Variants in PPP2R5D observed in about 807,000 individuals in gnomAD.
The protein encoded by PPP2R5D is protein phosphatase 2 regulatory subunit B'delta, also known as serine/threonine-protein phosphatase 2A 56 kDa regulatory subunit delta isoform.
A neutral mutation model predicts 79.1 loss-of-function variants in PPP2R5D; 12 were observed. The ratio of observed to expected loss-of-function variants is 0.15; its 90% CI spans 0.10 to 0.25. The LOEUF is 0.25. Ranked by LOEUF, PPP2R5D falls within the 10% of genes least tolerant of loss-of-function variation. The pLI, the probability that PPP2R5D is intolerant of heterozygous loss-of-function variation, is 1.00. For missense variants in PPP2R5D, 419 were observed against 760.2 expected (o/e 0.55, Z 5.28); for synonymous variants, 277 against 286.6 (o/e 0.97, Z 0.34).
At chr6:42,989,560 C>A in intron 1 of PPP2R5D, 51 bp from the exon 2 acceptor site, 1 of 1,441,466 alleles carries the variant, frequency 6.9e-7, no homozygotes, top group Non-Finnish European at 9.7e-7. Flanking sequence ...CAGATAAGAC[C>A]TCTCCCTTCT....
chr6:42,988,154 GCT>G (rs1274608576), intron 1 of PPP2R5D, among the ~76,000 whole-genome samples: 3 of 152,098 alleles, frequency 2.0e-5, no homozygotes, highest in African/African-American at 7.2e-5. Flanking sequence ...CCCACACAGA[GCT>G]CTCTTCTCCC....
chr6:43,008,818 G>C lies in PPP2R5D; in HGVS notation c.1080+72G>C, dbSNP rs912036691. On this transcript the variant is annotated intron_variant, in intron 10 of 15. Transcript: ENST00000485511. The surrounding 1 kb of genome is among the most constrained non-coding windows in gnomAD (Gnocchi z 4.2). ...CACTTGCCAGTCTGTACCTACTGGGGGTGCCATAAGGGGGAACTCAGGAGG... is the reference window on the plus strand; with the variant it reads ...CACTTGCCAGTCTGTACCTACTGGGCGTGCCATAAGGGGGAACTCAGGAGG... 6.6e-7 allele frequency: 1 copy of C among 1,518,024 alleles called. No homozygotes were observed. The highest frequency in any genetic ancestry group is 9.1e-7 in the Non-Finnish European group (1 of 1,101,444). 94.0% of individuals were successfully genotyped at this position (1,518,024 alleles called of 1,614,324 possible).
intron 1 of PPP2R5D, among the ~76,000 whole-genome samples, chr6:42,987,933 A>G (rs980678426): frequency 2.0e-5 from 3 of 152,098 alleles, no homozygotes; most frequent in East Asian, 1.9e-4. Flanking sequence ...AGACACCTCA[A>G]TGTTGTGTCC....
chr6:42,998,604 C>A (rs1304550944), intron 2 of PPP2R5D, among the ~76,000 whole-genome samples: 4 of 152,030 alleles, frequency 2.6e-5, no homozygotes, highest in African/African-American at 7.2e-5. Flanking sequence ...TCTATGGAGT[C>A]CCAGAAGTGA....
chr6:43,008,027 G>A lies in PPP2R5D; in HGVS notation c.819G>A (p.Arg273=), dbSNP rs766051123. The A allele has an allele frequency of 1.4e-5, 22 of 1,614,068 alleles. No homozygotes were observed. The highest frequency in any genetic ancestry group is 5.0e-5 in the Admixed American group (3 of 60,004). ...HRIYGKFLGL[R]AYIRRQINHI... is the part of the protein sequence containing the mutation. ...TCTATGGCAAGTTTTTGGGGCTCCG[G>A]GCTTATATCCGTAGGCAGATCAACC... The change falls in exon 7 of 16, where the codon CGG becomes CGA. Residue 273 remains arginine, a synonymous_variant. Coordinates refer to ENST00000485511, the MANE Select transcript of PPP2R5D (RefSeq NM_006245.4). The surrounding 1 kb of genome is among the most constrained non-coding windows in gnomAD (Gnocchi z 4.2).
At chr6:43,001,129 ATTTCCT>A (rs1772166644) in intron 2 of PPP2R5D, among the ~76,000 whole-genome samples, 1 of 152,188 alleles carries the variant, frequency 6.6e-6, no homozygotes, top group African/African-American at 2.4e-5. Flanking sequence ...AGATGCAGTG[ATTTCCT>A]AGGTTCCTGA....
chr6:43,006,316 G>A lies in PPP2R5D; in HGVS notation c.106-147G>A. 1 of 1,404,118 alleles carries A rather than the reference G, an allele frequency of 7.1e-7. No individual in the cohort carries two copies. Among genetic ancestry groups the A allele is most frequent in the Non-Finnish European group, 9.4e-7 (1 of 1,064,884 alleles). 87.0% of individuals were successfully genotyped at this position (1,404,118 alleles called of 1,614,324 possible). ...CCAGGGCTACAGCACAGTTATCTCT[G>A]TAACCCTGGCCTTAGCTCCTTCGGG... On this transcript the variant is annotated intron_variant, in intron 2 of 15. Transcript: ENST00000485511. This position sits in a 1 kb window ranked among gnomAD's most constrained non-coding sequence, Gnocchi z 4.7.
rs1762172131 is a variant in PPP2R5D at position 43,007,832 on chromosome 6, C to G, written c.727-103C>G. The stretch of plus-strand genomic sequence containing the variant: ...TTTCTAAGACTTGCTGGCCCCCACT[C>G]CAGGGGACCTCTGCATTTCCCCTGG... On this transcript the variant is annotated intron_variant, in intron 6 of 15. Coordinates refer to ENST00000485511, the MANE Select transcript of PPP2R5D (RefSeq NM_006245.4). The surrounding 1 kb of genome is among the most constrained non-coding windows in gnomAD (Gnocchi z 4.5). 4.8e-6 allele frequency: 7 copies of G among 1,469,184 alleles called. No homozygotes were observed. The highest frequency in any genetic ancestry group is 1.4e-5 in the African/African-American group (1 of 71,324). 91.0% of individuals were successfully genotyped at this position (1,469,184 alleles called of 1,614,324 possible).
intron 2 of PPP2R5D, among the ~76,000 whole-genome samples, chr6:42,997,303 C>G (rs901500753): frequency 3.3e-5 from 5 of 151,350 alleles, no homozygotes; most frequent in African/African-American, 7.3e-5. Flanking sequence ...AGTGATTTTC[C>G]TCCCTCAGCC....
At chr6:42,999,722 C>T (rs764209433) in intron 2 of PPP2R5D, among the ~76,000 whole-genome samples, 1 of 151,886 alleles carries the variant, frequency 6.6e-6, no homozygotes, top group African/African-American at 2.4e-5. Context: ...CCCACCATCA[C>T]GCCTGGCTAA....
At chr6:43,000,563 C>T (rs114601429) in intron 2 of PPP2R5D, among the ~76,000 whole-genome samples, 2,066 of 152,218 alleles carry the variant, frequency 0.014, 19 homozygotes, top group Non-Finnish European at 0.02. Flanking sequence ...TAGCAGAAAA[C>T]ATTGAGGCCT....
chr6:43,008,073 C>G lies in PPP2R5D; in HGVS notation c.857+8C>G. ...CAACCACATCTTCTACAGGTGAGGC[C>G]AGGAGCCCAGGCTTAGGAGCAAAAC... is the stretch of plus-strand genomic sequence containing the variant. On this transcript the variant is annotated splice_region_variant and intron_variant, in intron 7 of 15. Transcript: ENST00000485511. The surrounding 1 kb of genome is among the most constrained non-coding windows in gnomAD (Gnocchi z 4.2). The G allele has an allele frequency of 1.9e-6, 3 of 1,614,144 alleles. No individual in the cohort carries two copies. The highest frequency in any genetic ancestry group is 2.5e-6 in the Non-Finnish European group (3 of 1,180,010).
chr6:42,989,040 C>T (rs766789254), intron 1 of PPP2R5D, among the ~76,000 whole-genome samples: 35 of 152,214 alleles, frequency 2.3e-4, no homozygotes, highest in Non-Finnish European at 4.1e-4. Context: ...AACTGAGGTG[C>T]TCTTGGCATT....
intron 1 of PPP2R5D, among the ~76,000 whole-genome samples, chr6:42,985,844 C>T (rs549130448): frequency 6.8e-6 from 1 of 146,574 alleles, no homozygotes; most frequent in Non-Finnish European, 1.5e-5. Context: ...ATGGCGCGAT[C>T]TCGGCTCACC....
At position 43,008,021 on chromosome 6, in the gene PPP2R5D, G is replaced by A; in HGVS notation, c.813G>A (p.Gly271=). Reference sequence around the variant, plus strand: ...ATCGCATCTATGGCAAGTTTTTGGGGCTCCGGGCTTATATCCGTAGGCAGA... The same window carrying A: ...ATCGCATCTATGGCAAGTTTTTGGGACTCCGGGCTTATATCCGTAGGCAGA... ...ILHRIYGKFL[G]LRAYIRRQIN... is the part of the protein sequence containing the mutation. Residue 271 remains glycine (G), a synonymous_variant, in exon 7 of 16, where the codon GGG becomes GGA. Coordinates refer to ENST00000485511, the MANE Select transcript of PPP2R5D (RefSeq NM_006245.4). This position sits in a 1 kb window ranked among gnomAD's most constrained non-coding sequence, Gnocchi z 4.2. 6.2e-7 allele frequency: 1 copy of A among 1,614,184 alleles called. No individual in the cohort carries two copies. The highest frequency in any genetic ancestry group is 8.5e-7 in the Non-Finnish European group (1 of 1,180,048).
intron 2 of PPP2R5D, among the ~76,000 whole-genome samples, chr6:43,001,495 T>A (rs1772202408): frequency 6.6e-6 from 1 of 152,192 alleles, no homozygotes; most frequent in Non-Finnish European, 1.5e-5. Context: ...TGAGTTGTGC[T>A]AGCATAGGAA....
In PPP2R5D at chr6:43,008,917, C is replaced by A; in HGVS notation, c.1081-140C>A. The A allele has an allele frequency of 7.9e-7, 1 of 1,261,904 alleles. No individual in the cohort carries two copies. The highest frequency in any genetic ancestry group is 1.1e-6 in the Non-Finnish European group (1 of 900,160). The allele number at this position is 1,261,904 out of a possible 1,614,324, so 78.2% of individuals were successfully genotyped here. A position where few individuals can be genotyped will look rare whatever the true frequency, so the allele number is the denominator to read the frequency against. On this transcript the variant is annotated intron_variant, in intron 10 of 15. Transcript: ENST00000485511. This position sits in a 1 kb window ranked among gnomAD's most constrained non-coding sequence, Gnocchi z 4.2. Reference sequence around the variant, plus strand: ...ACCTATATACACCTAGGAAACAGATCCAAGGCAAAGAAACGGGTAGCTGGC... The same window carrying A: ...ACCTATATACACCTAGGAAACAGATACAAGGCAAAGAAACGGGTAGCTGGC...
At chr6:42,995,126 CT>C (rs889250251) in intron 2 of PPP2R5D, among the ~76,000 whole-genome samples, 1,523 of 106,314 alleles carry the variant, frequency 0.014, 33 homozygotes, top group African/African-American at 0.055. Context: ...CTTTTTCTTT[CT>C]TTTTTTTTTT....
At chr6:42,985,217 A>G (rs1336121436) in intron 1 of PPP2R5D, among the ~76,000 whole-genome samples, 2 of 152,082 alleles carry the variant, frequency 1.3e-5, no homozygotes. Context: ...GACCTAGAAC[A>G]GCGCTGCTTT....
Sources: gnomAD v4.1 joint callset for allele counts (sites outside exome capture counted in the v4.1 genomes callset) on GRCh38, gnomAD v4.1.1 for gene constraint, Gnocchi (gnomAD v3.1) non-coding constraint, MANE v1.5 for transcripts, NCBI Gene and HGNC (gene_info 2026-07-23, HGNC 2026-07-21) for gene names.